The following ALK variants were observed in gnomAD, a reference collection of about 807,000 sequenced individuals.
The protein encoded by ALK is ALK receptor tyrosine kinase.
In ALK, 74 loss-of-function variants were observed where a neutral mutation model predicts 163.1. The observed-to-expected ratio is 0.45, with a 90% CI of 0.38 to 0.55. ALK has a LOEUF of 0.55. Among genes scored for constraint, ALK ranks in the 20% least tolerant of loss-of-function variants. The pLI is 0.00. For missense variants in ALK, 2,063 were observed against 2,105.3 expected (o/e 0.98, Z 0.39); for synonymous variants, 960 against 843.2 (o/e 1.14, Z -2.40).
chr2:29,789,778 G>A (rs1203615901), intron 1 of ALK, among the ~76,000 whole-genome samples: 1 of 152,192 alleles, frequency 6.6e-6, no homozygotes, highest in African/African-American at 2.4e-5. Flanking sequence ...AGGTCCCAGA[G>A]ACTGCGATTA....
intron 1 of ALK, among the ~76,000 whole-genome samples, chr2:29,901,706 A>G (rs898955339): frequency 6.6e-6 from 1 of 152,206 alleles, no homozygotes; most frequent in African/African-American, 2.4e-5. Context: ...ATAAATATAA[A>G]TTGTTGCTTT....
intron 13 of ALK, 46 bp from the exon 14 acceptor site, chr2:29,233,742 C>T (rs1664287916): frequency 1.2e-6 from 2 of 1,613,438 alleles, no homozygotes; most frequent in East Asian, 4.5e-5. Context: ...AACCAGAGTT[C>T]TCCACTTTGC....
At chr2:29,304,374 T>G (rs952081938) in intron 8 of ALK, among the ~76,000 whole-genome samples, 1 of 151,774 alleles carries the variant, frequency 6.6e-6, no homozygotes, top group African/African-American at 2.4e-5. Context: ...CAGGTGCCTG[T>G]AGTCCCAGCT....
intron 1 of ALK, among the ~76,000 whole-genome samples, chr2:29,915,855 C>G (rs11694703): frequency 6.6e-6 from 1 of 151,958 alleles, no homozygotes; most frequent in Non-Finnish European, 1.5e-5. Flanking sequence ...ATATACAGAT[C>G]GCACCCCAGA....
At chr2:29,569,481 G>A (rs1178441326) in intron 3 of ALK, among the ~76,000 whole-genome samples, 2 of 152,130 alleles carry the variant, frequency 1.3e-5, no homozygotes, top group Non-Finnish European at 2.9e-5. Flanking sequence ...TTGTAGGTGG[G>A]TAATAATGAA....
At chr2:29,687,942 A>G (rs553311509) in intron 3 of ALK, among the ~76,000 whole-genome samples, 1 of 152,316 alleles carries the variant, frequency 6.6e-6, no homozygotes, top group South Asian at 2.1e-4. Flanking sequence ...CAGCACCAAG[A>G]TAGTTTTTTA....
chr2:29,665,945 TG>T (rs527317066), intron 3 of ALK, among the ~76,000 whole-genome samples: 19 of 152,256 alleles, frequency 1.2e-4, no homozygotes, highest in African/African-American at 4.6e-4. Flanking sequence ...ACCCTTGACC[TG>T]AAATTCCCTG....
intron 1 of ALK, among the ~76,000 whole-genome samples, chr2:29,802,777 C>G (rs1264575361): frequency 7.1e-6 from 1 of 140,282 alleles, no homozygotes; most frequent in African/African-American, 2.7e-5. Flanking sequence ...GACTGGAACT[C>G]TTTTTTTTTT....
In ALK at chr2:29,576,638, T is replaced by C. The variant is rs574542708; in HGVS notation, c.953-44522A>G. Among the ~76,000 whole-genome samples the C allele has an allele frequency of 3.3e-5, 5 of 152,290 alleles. No homozygotes were observed. In the South Asian group the frequency reaches 6.2e-4, roughly 19 times the overall value. On this transcript the variant is annotated intron_variant, in intron 3 of 28. Coordinates refer to ENST00000389048, the MANE Select transcript of ALK (RefSeq NM_004304.5). ...CCCCAACCCCCAGGGCCACAGACCATCCAGGAGGAGGTGAGTGGTGGGTGA... is the reference window on the plus strand; with the variant it reads ...CCCCAACCCCCAGGGCCACAGACCACCCAGGAGGAGGTGAGTGGTGGGTGA...
chr2:29,322,354 C>T (rs1235155723), intron 6 of ALK, among the ~76,000 whole-genome samples: 1 of 151,664 alleles, frequency 6.6e-6, no homozygotes, highest in Non-Finnish European at 1.5e-5. Context: ...CCCATTTATA[C>T]CCCCCTGAAG....
At chr2:29,778,197 A>T (rs1034981795) in intron 1 of ALK, among the ~76,000 whole-genome samples, 1 of 152,254 alleles carries the variant, frequency 6.6e-6, no homozygotes, top group African/African-American at 2.4e-5. Context: ...CAAAGGCATT[A>T]GGATGCGCTC....
chr2:29,872,928 T>G (rs781367029), intron 1 of ALK, among the ~76,000 whole-genome samples: 15 of 152,236 alleles, frequency 9.9e-5, no homozygotes, highest in Non-Finnish European at 2.1e-4. Context: ...TCAGAAGAAC[T>G]TGTTGGACTG....
chr2:29,826,673 C>T (rs924178854), intron 1 of ALK, among the ~76,000 whole-genome samples: 3 of 152,214 alleles, frequency 2.0e-5, no homozygotes, highest in Non-Finnish European at 4.4e-5. Context: ...GAAAGTCCAA[C>T]ATCAGAGCAA....
At chr2:29,686,680 G>T (rs750499194) in intron 3 of ALK, among the ~76,000 whole-genome samples, 1 of 152,076 alleles carries the variant, frequency 6.6e-6, no homozygotes, top group Non-Finnish European at 1.5e-5. Context: ...ATCTCCCTGT[G>T]GGCAGACCCA....
At chr2:29,385,779 T>A (rs1669018468) in intron 4 of ALK, among the ~76,000 whole-genome samples, 1 of 152,234 alleles carries the variant, frequency 6.6e-6, no homozygotes, top group Non-Finnish European at 1.5e-5. Flanking sequence ...CTTGATGGTA[T>A]GTCACAAGAC....
intron 1 of ALK, among the ~76,000 whole-genome samples, chr2:29,860,501 G>A (rs1424063960): frequency 6.6e-6 from 1 of 151,694 alleles, no homozygotes; most frequent in Non-Finnish European, 1.5e-5. Context: ...AGGAAACACT[G>A]GACACAAACT....
At position 29,711,879 on chromosome 2, in the gene ALK, G is replaced by A. The variant is rs57714625; in HGVS notation, c.787+5699C>T. ...GTGTCTGTCCCACTTTGTGAAAAGTGTTTTGAATGGATCTTTTCTGACTTG... is the reference window on the plus strand; with the variant it reads ...GTGTCTGTCCCACTTTGTGAAAAGTATTTTGAATGGATCTTTTCTGACTTG... On this transcript the variant is annotated intron_variant, in intron 2 of 28. Coordinates refer to ENST00000389048, the MANE Select transcript of ALK (RefSeq NM_004304.5). Among the ~76,000 whole-genome samples the A allele has an allele frequency of 7.6e-3, 1,156 of 152,280 alleles. 18 individuals carry two copies. The highest frequency in any genetic ancestry group is 0.027 in the African/African-American group (1,127 of 41,552).
chr2:29,288,524 C>T (rs1466411509), intron 9 of ALK, among the ~76,000 whole-genome samples: 4 of 152,226 alleles, frequency 2.6e-5, no homozygotes, highest in Admixed American at 6.5e-5. Flanking sequence ...GCCTAGGCGC[C>T]ATAGCACAGT....
intron 3 of ALK, among the ~76,000 whole-genome samples, chr2:29,586,261 G>T (rs1199907231): frequency 1.3e-5 from 2 of 150,712 alleles, no homozygotes; most frequent in East Asian, 3.9e-4. Flanking sequence ...TTAATGTGAG[G>T]CTTTCATACA....
Sources: gnomAD v4.1 joint callset for allele counts (sites outside exome capture counted in the v4.1 genomes callset) on GRCh38, gnomAD v4.1.1 for gene constraint, MANE v1.5 for transcripts, NCBI Gene and HGNC (gene_info 2026-07-23, HGNC 2026-07-21) for gene names.